The following EDIL3 variants were observed in gnomAD, a reference collection of about 807,000 sequenced individuals.
EDIL3 encodes EGF like and discoidin domains 3, also known as EGF-like repeat and discoidin I-like domain-containing protein 3.
EDIL3 carries 37 observed loss-of-function variants against 67.4 expected under a neutral mutation model. The observed-to-expected ratio is 0.55, with a 90% CI of 0.42 to 0.72. EDIL3 has a LOEUF of 0.72. EDIL3 is among the 30% of genes least tolerant of loss of function. EDIL3 has a pLI of 0.00. For missense variants in EDIL3, 527 were observed against 586.3 expected, an observed-to-expected ratio of 0.90 and a Z score of 1.04; for synonymous variants, 195 against 196.3, an observed-to-expected ratio of 0.99 and a Z score of 0.05.
chr5:84,228,197 A>T (rs1169786292), intron 3 of EDIL3, among the ~76,000 whole-genome samples: 1 of 152,072 alleles, frequency 6.6e-6, no homozygotes, highest in Non-Finnish European at 1.5e-5. Context: ...GCCTCAAAAA[A>T]AAAGTTAACA....
At chr5:84,350,190 C>A (rs1747326391) in intron 1 of EDIL3, among the ~76,000 whole-genome samples, 1 of 152,082 alleles carries the variant, frequency 6.6e-6, no homozygotes, top group South Asian at 2.1e-4. Context: ...TCCTAAAAAT[C>A]TTATGCCTAC....
chr5:84,115,178 C>G (rs1013874646), intron 5 of EDIL3, among the ~76,000 whole-genome samples: 1 of 135,394 alleles, frequency 7.4e-6, no homozygotes, highest in African/African-American at 2.5e-5. Context: ...TCTTCATATA[C>G]TGGCAGGCTT....
intron 1 of EDIL3, among the ~76,000 whole-genome samples, chr5:84,355,054 C>T (rs2112194113): frequency 6.6e-6 from 1 of 152,276 alleles, no homozygotes; most frequent in Middle Eastern, 3.4e-3. Flanking sequence ...GGGAAGATCT[C>T]CTGGATAATA....
chr5:84,202,093 C>T (rs924326300), intron 3 of EDIL3, among the ~76,000 whole-genome samples: 1 of 152,142 alleles, frequency 6.6e-6, no homozygotes, highest in Non-Finnish European at 1.5e-5. Flanking sequence ...CTTCTCCATC[C>T]CTTTTCAAGT....
intron 1 of EDIL3, among the ~76,000 whole-genome samples, chr5:84,376,299 T>C (rs1237941849): frequency 2.6e-5 from 4 of 152,144 alleles, no homozygotes; most frequent in African/African-American, 9.7e-5. Context: ...AGACTCTTAA[T>C]GCTGACATGA....
chr5:84,337,490 C>T (rs1428484526), intron 1 of EDIL3, among the ~76,000 whole-genome samples: 4 of 151,810 alleles, frequency 2.6e-5, no homozygotes, highest in Admixed American at 2.6e-4. Flanking sequence ...CCTAGTATGA[C>T]TAAAATTAAT....
intron 9 of EDIL3, among the ~76,000 whole-genome samples, chr5:84,020,876 G>T (rs1745702980): frequency 6.6e-6 from 1 of 151,872 alleles, no homozygotes; most frequent in Non-Finnish European, 1.5e-5. Flanking sequence ...TATACCAACA[G>T]TTCCTACTCT....
intron 9 of EDIL3, among the ~76,000 whole-genome samples, chr5:84,029,505 C>G (rs1400879499): frequency 6.6e-6 from 1 of 151,930 alleles, no homozygotes; most frequent in Non-Finnish European, 1.5e-5. Context: ...TATTGAAGTC[C>G]TAAGTGTAGA....
chr5:83,970,283 G>T (rs1447711591), intron 9 of EDIL3, among the ~76,000 whole-genome samples: 27 of 96,640 alleles, frequency 2.8e-4, no homozygotes, highest in African/African-American at 7.7e-4. Flanking sequence ...TATATATATA[G>T]TCTCTTTCAT....
chr5:84,206,235 C>A (rs1243700851), intron 3 of EDIL3, among the ~76,000 whole-genome samples: 3 of 152,138 alleles, frequency 2.0e-5, no homozygotes, highest in African/African-American at 7.2e-5. Flanking sequence ...GAGTGAGTTT[C>A]TTAATCCTGA....
intron 1 of EDIL3, among the ~76,000 whole-genome samples, chr5:84,305,151 A>G (rs1451609539): frequency 6.6e-6 from 1 of 152,220 alleles, no homozygotes; most frequent in Admixed American, 6.5e-5. Flanking sequence ...GAATTAACAA[A>G]TCCAGGGCTT....
chr5:84,174,699 G>A (rs1013073487), intron 4 of EDIL3, among the ~76,000 whole-genome samples: 1 of 152,162 alleles, frequency 6.6e-6, no homozygotes, highest in Non-Finnish European at 1.5e-5. Context: ...CCTCTCTCTA[G>A]AACAAGACGG....
chr5:84,077,918 T>C (rs1474526237), intron 6 of EDIL3, among the ~76,000 whole-genome samples: 3 of 151,186 alleles, frequency 2.0e-5, no homozygotes, highest in Non-Finnish European at 4.4e-5. Flanking sequence ...CAATAGAAAA[T>C]GGAGCAAATG....
chr5:84,187,432 C>T (rs897220566), intron 3 of EDIL3, among the ~76,000 whole-genome samples: 6 of 152,086 alleles, frequency 3.9e-5, no homozygotes, highest in Non-Finnish European at 7.4e-5. Context: ...AATAGGTTAA[C>T]ATTCTCCTGT....
chr5:84,042,000 C>T (rs1038851840), intron 9 of EDIL3, among the ~76,000 whole-genome samples: 5 of 151,948 alleles, frequency 3.3e-5, no homozygotes, highest in Non-Finnish European at 7.4e-5. Flanking sequence ...TACCTTAAAC[C>T]CTCTTAACCA....
chr5:84,090,548 A>C (rs1747147475), intron 6 of EDIL3, among the ~76,000 whole-genome samples: 1 of 152,166 alleles, frequency 6.6e-6, no homozygotes, highest in South Asian at 2.1e-4. Context: ...AAGAAACTTT[A>C]AGGTTGGGAA....
At chr5:84,093,735 C>T (rs933429954) in intron 6 of EDIL3, among the ~76,000 whole-genome samples, 1 of 148,938 alleles carries the variant, frequency 6.7e-6, no homozygotes, top group African/African-American at 2.5e-5. Flanking sequence ...TCTCAGCTCA[C>T]TGCAACTTCT....
chr5:84,377,385 T>C (rs1747990801), intron 1 of EDIL3, among the ~76,000 whole-genome samples: 1 of 151,942 alleles, frequency 6.6e-6, no homozygotes, highest in South Asian at 2.1e-4. Context: ...GGGAGACTGC[T>C]CTACATTACA....
chr5:83,944,075 G>A (rs1175141840), intron 10 of EDIL3, among the ~76,000 whole-genome samples: 1 of 152,002 alleles, frequency 6.6e-6, no homozygotes, highest in African/African-American at 2.4e-5. Flanking sequence ...GTATATATCT[G>A]TTTCACCTTA....
Sources: allele counts gnomAD v4.1 joint callset (sites outside exome capture counted in the v4.1 genomes callset), GRCh38; gene constraint gnomAD v4.1.1; transcripts MANE v1.5; gene names NCBI Gene and HGNC (gene_info 2026-07-23, HGNC 2026-07-21).